Variants in PRKN observed in about 807,000 individuals in gnomAD.
The protein encoded by PRKN is parkin RBR E3 ubiquitin protein ligase, also known as E3 ubiquitin-protein ligase parkin.
Under a neutral mutation model 59.5 loss-of-function variants are expected in PRKN, and 56 were observed. The ratio of observed to expected loss-of-function variants is 0.94; its 90% CI spans 0.76 to 1.18. The LOEUF is 1.18. PRKN is among the 50% of genes most tolerant of loss of function. PRKN has a pLI of 0.00. For synonymous variants in PRKN, 250 were observed against 222.1 expected, an observed-to-expected ratio of 1.13 and a Z score of -1.12; for missense variants, 657 against 596.4, an observed-to-expected ratio of 1.10 and a Z score of -1.06.
intron 1 of PRKN, among the ~76,000 whole-genome samples, chr6:162,668,032 A>C (rs1196415613): frequency 6.6e-6 from 1 of 152,202 alleles, no homozygotes; most frequent in Non-Finnish European, 1.5e-5. Flanking sequence ...CTTTAAGAGA[A>C]GTGTCATATA....
In PRKN at chr6:161,484,493, C is replaced by T. The variant is rs1022827938; in HGVS notation, c.1083+64361G>A. On this transcript the variant is annotated intron_variant, in intron 9 of 11. Coordinates refer to ENST00000366898, the MANE Select transcript of PRKN (RefSeq NM_004562.3). This position sits in a 1 kb window ranked among gnomAD's most constrained non-coding sequence, Gnocchi z 4.9. ...CGATTAGTTTCATTTTTACAACCAT[C>T]TTTGCCCTGTGAAATAGGACATGGG... Among the ~76,000 whole-genome samples, 6 of 152,164 alleles carry T rather than the reference C, an allele frequency of 3.9e-5. No homozygotes were observed. The highest frequency in any genetic ancestry group is 1.4e-4 in the African/African-American group (6 of 41,456).
chr6:162,197,725 G>A (rs1351076389), intron 4 of PRKN, among the ~76,000 whole-genome samples: 2 of 152,102 alleles, frequency 1.3e-5, no homozygotes, highest in Admixed American at 1.3e-4. Context: ...ATAAGGATAA[G>A]GAAGGAAATC....
chr6:162,564,536 C>T (rs1236824992), intron 1 of PRKN, among the ~76,000 whole-genome samples: 1 of 151,970 alleles, frequency 6.6e-6, no homozygotes, highest in African/African-American at 2.4e-5. Context: ...GCAAAGAAAA[C>T]TACATCAAGG....
chr6:161,798,262 C>G (rs1377882759), intron 6 of PRKN, among the ~76,000 whole-genome samples: 2 of 152,052 alleles, frequency 1.3e-5, no homozygotes, highest in Non-Finnish European at 2.9e-5. Flanking sequence ...GGTGCAAACC[C>G]AAGATAAAGG....
At chr6:162,529,499 C>T (rs1054856458) in intron 1 of PRKN, among the ~76,000 whole-genome samples, 3 of 152,148 alleles carry the variant, frequency 2.0e-5, no homozygotes, top group African/African-American at 7.2e-5. Flanking sequence ...AGAAAGATGG[C>T]CCAAACACCT....
At chr6:162,486,134 A>G (rs1317534921) in intron 1 of PRKN, among the ~76,000 whole-genome samples, 1 of 152,118 alleles carries the variant, frequency 6.6e-6, no homozygotes, top group African/African-American at 2.4e-5. Flanking sequence ...ACCCCCTCCT[A>G]ATTCCACTCT....
chr6:161,760,373 T>C (rs1190450466), intron 7 of PRKN, among the ~76,000 whole-genome samples: 1 of 151,108 alleles, frequency 6.6e-6, no homozygotes, highest in East Asian at 2.0e-4. Context: ...ATGTATTACA[T>C]ATAAGTAAAA....
intron 1 of PRKN, among the ~76,000 whole-genome samples, chr6:162,556,746 A>AAC (rs1290956198): frequency 1.5e-4 from 5 of 33,346 alleles, no homozygotes; most frequent in Non-Finnish European, 2.3e-4. Flanking sequence ...ACTCCATCTC[A>AAC]AAAAAAAAAA....
intron 1 of PRKN, among the ~76,000 whole-genome samples, chr6:162,506,659 A>G (rs1793621383): frequency 6.6e-6 from 1 of 152,190 alleles, no homozygotes; most frequent in South Asian, 2.1e-4. Flanking sequence ...TGAAAGGGTC[A>G]GCTTTGGGAA....
At chr6:162,055,822 C>A (rs1024671946) in intron 4 of PRKN, among the ~76,000 whole-genome samples, 2 of 152,084 alleles carry the variant, frequency 1.3e-5, no homozygotes, top group Non-Finnish European at 2.9e-5. Flanking sequence ...GCCGCCCTGG[C>A]ACTTTGTAGC....
intron 4 of PRKN, among the ~76,000 whole-genome samples, chr6:162,152,073 T>C (rs189579590): frequency 2.0e-5 from 3 of 152,300 alleles, no homozygotes; most frequent in East Asian, 1.9e-4. Flanking sequence ...AGGTCACTTT[T>C]TACTAAGACA....
intron 3 of PRKN, among the ~76,000 whole-genome samples, chr6:162,236,287 G>A (rs1778706848): frequency 6.6e-6 from 1 of 152,182 alleles, no homozygotes; most frequent in Non-Finnish European, 1.5e-5. Context: ...TGTCCCTACT[G>A]ATGAATCAGA....
intron 9 of PRKN, among the ~76,000 whole-genome samples, chr6:161,453,848 G>A (rs1323438596): frequency 6.7e-6 from 1 of 149,284 alleles, no homozygotes; most frequent in Non-Finnish European, 1.5e-5. Flanking sequence ...GGGAATACTA[G>A]TTGTTACTAT....
chr6:161,703,074 CAGG>C lies in PRKN; in HGVS notation c.871+82695_871+82697del, dbSNP rs762698611. 3.2e-4 allele frequency among the ~76,000 whole-genome samples: 47 copies of C among 147,720 alleles called. 1 individual carries two copies. Among genetic ancestry groups the C allele is most frequent in the Non-Finnish European group, 5.4e-4 (36 of 66,758 alleles). ...AAACAATTTAAAAATGGATAAAAAG[CAGG>C]AGGATAGCTTGAGGACAGGAGTTTG... On this transcript the variant is annotated intron_variant, in intron 7 of 11. Coordinates refer to ENST00000366898, the MANE Select transcript of PRKN (RefSeq NM_004562.3).
At chr6:161,805,361 T>A (rs1300596414) in intron 6 of PRKN, among the ~76,000 whole-genome samples, 1 of 152,024 alleles carries the variant, frequency 6.6e-6, no homozygotes, top group African/African-American at 2.4e-5. Flanking sequence ...CCTCATCACA[T>A]CTGGAAGCGT....
chr6:162,494,677 G>A (rs1276139874), intron 1 of PRKN, among the ~76,000 whole-genome samples: 3 of 151,994 alleles, frequency 2.0e-5, no homozygotes, highest in Non-Finnish European at 4.4e-5. Context: ...AGGATCACTG[G>A]GTGGTTTAAG....
intron 10 of PRKN, among the ~76,000 whole-genome samples, chr6:161,381,200 G>C (rs1489078704): frequency 6.6e-6 from 1 of 152,180 alleles, no homozygotes; most frequent in Non-Finnish European, 1.5e-5. Flanking sequence ...TATTGTGTTT[G>C]ACAAGCCAAC....
intron 7 of PRKN, among the ~76,000 whole-genome samples, chr6:161,728,138 G>A (rs1363910279): frequency 6.6e-6 from 1 of 151,960 alleles, no homozygotes; most frequent in Admixed American, 6.6e-5. Flanking sequence ...AAAAGATGCT[G>A]GGAAAGTTTT....
At chr6:162,423,747 G>C (rs970764308) in intron 2 of PRKN, among the ~76,000 whole-genome samples, 2 of 151,980 alleles carry the variant, frequency 1.3e-5, no homozygotes, top group Non-Finnish European at 2.9e-5. Flanking sequence ...ACTGCTACAT[G>C]GTACCTTATA....
Sources: allele counts gnomAD v4.1 joint callset (sites outside exome capture counted in the v4.1 genomes callset), GRCh38; gene constraint gnomAD v4.1.1; non-coding constraint Gnocchi (gnomAD v3.1); transcripts MANE v1.5; gene names NCBI Gene and HGNC (gene_info 2026-07-23, HGNC 2026-07-21).